MEF2C: variants seen among roughly 807,000 people sequenced by gnomAD.
MEF2C encodes the protein myocyte-specific enhancer factor 2C.
Under a neutral mutation model 50.5 loss-of-function variants are expected in MEF2C, and 6 were observed. That is an observed-to-expected ratio of 0.12 (90% CI 0.07 to 0.23). The LOEUF (loss-of-function observed/expected upper bound fraction) is 0.23. MEF2C is among the 10% of genes least tolerant of loss of function. The pLI is 1.00. For synonymous variants in MEF2C, 183 were observed against 228.0 expected, an observed-to-expected ratio of 0.80 and a Z score of 1.78; for missense variants, 276 against 605.0, an observed-to-expected ratio of 0.46 and a Z score of 5.70.
chr5:88,880,194 C>T (rs997778516), intron 1 of MEF2C, among the ~76,000 whole-genome samples: 1 of 151,698 alleles, frequency 6.6e-6, no homozygotes, highest in Non-Finnish European at 1.5e-5. Flanking sequence ...AGAATGAATA[C>T]GTGTATTTTG....
chr5:88,881,726 CT>C (rs5869446), intron 1 of MEF2C, among the ~76,000 whole-genome samples: 81 of 142,900 alleles, frequency 5.7e-4, no homozygotes, highest in Middle Eastern at 3.6e-3. Flanking sequence ...AGGCTAGTCG[CT>C]TTTTTTTTTT....
intron 3 of MEF2C, among the ~76,000 whole-genome samples, chr5:88,796,642 T>A (rs1491001131): frequency 6.6e-6 from 1 of 152,174 alleles, no homozygotes; most frequent in Non-Finnish European, 1.5e-5. Context: ...TCAGTTCGGC[T>A]CTTAGTTATT....
At chr5:88,732,266 G>A (rs114534242) in intron 6 of MEF2C, among the ~76,000 whole-genome samples, 270 of 152,256 alleles carry the variant, frequency 1.8e-3, no homozygotes, top group African/African-American at 6.2e-3. Context: ...GGCCTGGCTG[G>A]CGTGACTCAC....
chr5:88,831,103 C>G (rs1251718186), intron 1 of MEF2C, among the ~76,000 whole-genome samples: 1 of 152,032 alleles, frequency 6.6e-6, no homozygotes, highest in East Asian at 1.9e-4. Context: ...TATTCTTCAT[C>G]TTTAATATAT....
intron 1 of MEF2C, 141 bp from the exon 2 acceptor site, chr5:88,824,071 T>C: frequency 1.1e-6 from 1 of 927,310 alleles, no homozygotes. Context: ...TTGTTAAAAA[T>C]ATATGGTATA....
chr5:88,860,891 C>A (rs1276082538), intron 1 of MEF2C, among the ~76,000 whole-genome samples: 1 of 152,148 alleles, frequency 6.6e-6, no homozygotes, highest in Non-Finnish European at 1.5e-5. Flanking sequence ...TGGCTAATAC[C>A]CAAACTAAAG....
At chr5:88,867,578 T>A (rs1490959501) in intron 1 of MEF2C, among the ~76,000 whole-genome samples, 1 of 152,162 alleles carries the variant, frequency 6.6e-6, no homozygotes, top group African/African-American at 2.4e-5. Flanking sequence ...CTCAAAAAAA[T>A]GTTAGCTGTG....
chr5:88,859,521 A>G (rs143150962), intron 1 of MEF2C, among the ~76,000 whole-genome samples: 1 of 152,342 alleles, frequency 6.6e-6, no homozygotes, highest in African/African-American at 2.4e-5. Context: ...AAGTTCCTGT[A>G]TTAATTAACT....
chr5:88,754,856 C>G (rs1312456840), intron 4 of MEF2C, among the ~76,000 whole-genome samples: 1 of 152,160 alleles, frequency 6.6e-6, no homozygotes, highest in Admixed American at 6.5e-5. Flanking sequence ...GGTCCACAGG[C>G]CCTATTAAGC....
intron 6 of MEF2C, chr5:88,741,496 T>A (rs1197158064): frequency 6.1e-6 from 6 of 985,254 alleles, no homozygotes; most frequent in African/African-American, 1.7e-5. Flanking sequence ...CCCAAACTAC[T>A]CCTTGGGCAA....
intron 2 of MEF2C, among the ~76,000 whole-genome samples, chr5:88,815,933 T>C (rs984960144): frequency 1.3e-5 from 2 of 152,048 alleles, no homozygotes; most frequent in Non-Finnish European, 2.9e-5. Context: ...AGGTGACTTG[T>C]AGCAGACAGA....
At chr5:88,902,884 G>T (rs1045556002) in intron 1 of MEF2C, among the ~76,000 whole-genome samples, 13 of 150,786 alleles carry the variant, frequency 8.6e-5, no homozygotes, top group Non-Finnish European at 1.8e-4. Flanking sequence ...AGCCCATGTT[G>T]CTTGTGAATA....
intron 1 of MEF2C, among the ~76,000 whole-genome samples, chr5:88,890,735 A>G (rs1269195562): frequency 6.6e-6 from 1 of 152,234 alleles, no homozygotes; most frequent in African/African-American, 2.4e-5. Context: ...AGTTTCTGTT[A>G]CTTGGCACTA....
intron 2 of MEF2C, among the ~76,000 whole-genome samples, chr5:88,822,851 G>A (rs932331416): frequency 1.3e-5 from 2 of 151,874 alleles, no homozygotes; most frequent in Admixed American, 1.3e-4. Flanking sequence ...TTCTCTGCAG[G>A]TTCCATGATC....
intron 1 of MEF2C, among the ~76,000 whole-genome samples, chr5:88,843,061 T>C (rs952626207): frequency 4.6e-5 from 7 of 152,076 alleles, no homozygotes; most frequent in Admixed American, 1.3e-4. Context: ...TGGCTACTGA[T>C]TGGGAGCTAC....
chr5:88,836,482 T>A (rs1304095295), intron 1 of MEF2C, among the ~76,000 whole-genome samples: 1 of 152,152 alleles, frequency 6.6e-6, no homozygotes. Context: ...CCTTTCTTTA[T>A]CTCTTTTTCC....
intron 2 of MEF2C, among the ~76,000 whole-genome samples, chr5:88,809,592 T>C (rs1024664628): frequency 1.3e-5 from 2 of 152,200 alleles, no homozygotes; most frequent in Non-Finnish European, 2.9e-5. Context: ...AACAGAGTTA[T>C]ATTTTCAGTC....
chr5:88,729,239 T>C lies in MEF2C; in HGVS notation c.943A>G (p.Ile315Val). The change falls in exon 9 of 11, where the codon ATT becomes GTT. Residue 315 changes from isoleucine (I) to valine (V), a missense_variant. By Grantham distance (29) the Ile-to-Val change is conservative. Transcript: ENST00000504921. ...GQGMGGYPSA[I>V]STTYGTEYSL... ...TCACCGGTACCATATGTTGTTGAAA[T>C]GGCTGATGGATATCCTCCCATTCCT... is the stretch of plus-strand genomic sequence containing the variant. 1 of 1,613,268 alleles carries C rather than the reference T, an allele frequency of 6.2e-7. No homozygotes were observed. The highest frequency in any genetic ancestry group is 8.5e-7 in the Non-Finnish European group (1 of 1,179,396).
At position 88,722,781 on chromosome 5, in the gene MEF2C, C is replaced by G; in HGVS notation, c.1245G>C (p.Glu415Asp). ...AGCTGTCAACAGGAGATCTCCCCGC[C>G]TCGTGGCGCGTGTGTTGTGGGTATC... ...PSRYPQHTRH[E>D]AGRSPVDSLS... is the part of the protein sequence containing the mutation. The change falls in exon 11 of 11, where the codon GAG becomes GAC. Residue 415 changes from glutamate (E) to aspartate (D), a missense_variant. Physicochemically the swap from Glu to Asp is conservative, Grantham distance 45. Coordinates refer to ENST00000504921, the MANE Select transcript of MEF2C (RefSeq NM_002397.5). The G allele has an allele frequency of 1.9e-6, 3 of 1,613,950 alleles. No individual in the cohort carries two copies. Among genetic ancestry groups the G allele is most frequent in the Non-Finnish European group, 2.5e-6 (3 of 1,179,898 alleles).
Sources: gnomAD v4.1 joint callset for allele counts (sites outside exome capture counted in the v4.1 genomes callset) on GRCh38, gnomAD v4.1.1 for gene constraint, MANE v1.5 for transcripts, NCBI Gene and HGNC (gene_info 2026-07-23, HGNC 2026-07-21) for gene names.